SOX6: variants seen among roughly 807,000 people sequenced by gnomAD.
SOX6 encodes transcription factor SOX-6.
Under a neutral mutation model 97.8 loss-of-function variants are expected in SOX6, and 11 were observed. The ratio of observed to expected loss-of-function variants is 0.11; its 90% CI spans 0.07 to 0.19. The LOEUF (loss-of-function observed/expected upper bound fraction) is 0.19. Among genes scored for constraint, SOX6 ranks in the 10% least tolerant of loss-of-function variants. SOX6 has a pLI of 1.00. For missense variants in SOX6, 810 were observed against 1,039.5 expected (o/e 0.78, Z 3.04); for synonymous variants, 360 against 371.4 (o/e 0.97, Z 0.35).
intron 4 of SOX6, among the ~76,000 whole-genome samples, chr11:16,205,442 T>A (rs1247415404): frequency 6.6e-6 from 1 of 152,112 alleles, no homozygotes; most frequent in African/African-American, 2.4e-5. Flanking sequence ...AGATCCTAAT[T>A]TCCTTTTAAT....
At chr11:16,119,820 G>C (rs1200892713) in intron 6 of SOX6, among the ~76,000 whole-genome samples, 2 of 152,066 alleles carry the variant, frequency 1.3e-5, no homozygotes, top group Non-Finnish European at 2.9e-5. Context: ...CTCTTCATTT[G>C]TCTTATTTAG....
intron 4 of SOX6, among the ~76,000 whole-genome samples, chr11:16,518,757 C>A (rs73435533): frequency 8.1e-4 from 124 of 152,268 alleles, no homozygotes; most frequent in African/African-American, 2.6e-3. Flanking sequence ...ACTTCAAACA[C>A]TGGCAACTAT....
intron 1 of SOX6, among the ~76,000 whole-genome samples, chr11:16,386,258 T>C (rs1395350245): frequency 6.8e-6 from 1 of 148,100 alleles, no homozygotes; most frequent in African/African-American, 2.5e-5. Context: ...TTTACCTTAA[T>C]GCAGGAAACA....
chr11:16,338,162 T>A (rs1856521177), intron 2 of SOX6, among the ~76,000 whole-genome samples: 1 of 152,100 alleles, frequency 6.6e-6, no homozygotes, highest in Non-Finnish European at 1.5e-5. Flanking sequence ...TTGTTATTTT[T>A]TAGATTTTCT....
At chr11:16,182,429 A>G (rs1036108744) in intron 6 of SOX6, among the ~76,000 whole-genome samples, 2 of 151,840 alleles carry the variant, frequency 1.3e-5, no homozygotes, top group African/African-American at 4.8e-5. Flanking sequence ...AGGAAGCCAC[A>G]GGCTAAAAAT....
chr11:16,525,183 A>C (rs2133164858), intron 4 of SOX6, among the ~76,000 whole-genome samples: 1 of 152,324 alleles, frequency 6.6e-6, no homozygotes, highest in African/African-American at 2.4e-5. Flanking sequence ...AGTCAATCCT[A>C]AGCCAAAAGA....
At chr11:16,094,847 G>T (rs1426387284) in intron 9 of SOX6, among the ~76,000 whole-genome samples, 1 of 151,860 alleles carries the variant, frequency 6.6e-6, no homozygotes, top group Non-Finnish European at 1.5e-5. Context: ...AGAAAAGAGG[G>T]AGGCAGTTAA....
intron 4 of SOX6, among the ~76,000 whole-genome samples, chr11:16,536,013 A>G (rs1861303123): frequency 6.6e-6 from 1 of 152,174 alleles, no homozygotes; most frequent in South Asian, 2.1e-4. Flanking sequence ...TGCAAATGTT[A>G]TTTTCCATCT....
intron 3 of SOX6, 59 bp downstream of exon 3, chr11:16,318,387 T>TTA: frequency 6.5e-7 from 1 of 1,537,180 alleles, no homozygotes; most frequent in Admixed American, 1.7e-5. Flanking sequence ...TTTTTTTTTT[T>TTA]AAGGCCTGGA....
At chr11:16,589,543 T>C (rs1437932026) in intron 4 of SOX6, among the ~76,000 whole-genome samples, 2 of 152,172 alleles carry the variant, frequency 1.3e-5, no homozygotes, top group African/African-American at 4.8e-5. Context: ...TAGGCCTTAA[T>C]GATAACAAGA....
chr11:16,027,856 A>G (rs560182753), intron 12 of SOX6, among the ~76,000 whole-genome samples: 2 of 152,372 alleles, frequency 1.3e-5, no homozygotes, highest in East Asian at 3.9e-4. Flanking sequence ...AGTTGATGGG[A>G]GGACAAAGGG....
intron 4 of SOX6, among the ~76,000 whole-genome samples, chr11:16,518,859 T>G (rs1861014506): frequency 6.6e-6 from 1 of 152,206 alleles, no homozygotes; most frequent in African/African-American, 2.4e-5. Flanking sequence ...AATTGTTTCA[T>G]GGCAAAACAA....
chr11:16,539,595 G>C (rs996354109), intron 4 of SOX6, among the ~76,000 whole-genome samples: 1 of 151,546 alleles, frequency 6.6e-6, no homozygotes, highest in Non-Finnish European at 1.5e-5. Context: ...AAGAAGAAAA[G>C]AGAGAAGAAA....
Position 16,153,886 on chromosome 11 carries a change from T to C in SOX6, c.777+30000A>G, listed in dbSNP as rs565281849. On this transcript the variant is annotated intron_variant, in intron 6 of 15. Transcript: ENST00000683767. ...AATTGAGATATAATGAAGTTTAACTTCTTTTCTCTGGAGAGTACCACACAA... is the reference window on the plus strand; with the variant it reads ...AATTGAGATATAATGAAGTTTAACTCCTTTTCTCTGGAGAGTACCACACAA... 1.3e-3 allele frequency among the ~76,000 whole-genome samples: 202 copies of C among 152,296 alleles called. 1 individual carries two copies. The highest frequency in any genetic ancestry group is 4.5e-3 in the African/African-American group (188 of 41,574).
intron 3 of SOX6, among the ~76,000 whole-genome samples, chr11:16,259,448 G>A (rs768673647): frequency 6.6e-6 from 1 of 151,986 alleles, no homozygotes; most frequent in Non-Finnish European, 1.5e-5. Context: ...AAATGTATAT[G>A]TAAACACAAA....
intron 3 of SOX6, among the ~76,000 whole-genome samples, chr11:16,616,548 C>T (rs1848473680): frequency 6.6e-6 from 1 of 151,752 alleles, no homozygotes; most frequent in East Asian, 1.9e-4. Context: ...TTTATTCATG[C>T]TTAAATATTT....
At chr11:16,701,126 C>T in intron 3 of SOX6, among the ~76,000 whole-genome samples, 1 of 152,136 alleles carries the variant, frequency 6.6e-6, no homozygotes, top group East Asian at 1.9e-4. Flanking sequence ...TCTTGGAGGA[C>T]TATAATCATT....
intron 4 of SOX6, among the ~76,000 whole-genome samples, chr11:16,566,296 T>C (rs1160593146): frequency 6.6e-6 from 1 of 152,160 alleles, no homozygotes; most frequent in African/African-American, 2.4e-5. Context: ...GAGCAAAATC[T>C]CTTTAGGCTC....
intron 6 of SOX6, among the ~76,000 whole-genome samples, chr11:16,132,416 AG>A (rs1388334304): frequency 9.9e-5 from 11 of 111,428 alleles, no homozygotes; most frequent in East Asian, 8.3e-4. Context: ...AAAGAAAGAA[AG>A]AAAGAAAGAA....
Sources: gnomAD v4.1 joint callset for allele counts (sites outside exome capture counted in the v4.1 genomes callset) on GRCh38, gnomAD v4.1.1 for gene constraint, MANE v1.5 for transcripts, NCBI Gene and HGNC (gene_info 2026-07-23, HGNC 2026-07-21) for gene names.